FRMD4B: variants seen among roughly 807,000 people sequenced by gnomAD.
FRMD4B encodes the protein FERM domain-containing protein 4B.
FRMD4B carries 74 observed loss-of-function variants against 141.5 expected under a neutral mutation model. That is an observed-to-expected ratio of 0.52 (90% confidence interval 0.43 to 0.63). The LOEUF (loss-of-function observed/expected upper bound fraction) is 0.63, where lower values mean the gene tolerates loss of function less well. Ranked by LOEUF, FRMD4B falls within the 30% of genes least tolerant of loss-of-function variation. The pLI is 0.00. For missense variants in FRMD4B, 1,366 were observed against 1,253.4 expected (o/e 1.09, Z -1.36); for synonymous variants, 506 against 467.9 (o/e 1.08, Z -1.05).
intron 11 of FRMD4B, among the ~76,000 whole-genome samples, chr3:69,210,157 G>T (rs1271791580): frequency 6.6e-6 from 1 of 152,166 alleles, no homozygotes; most frequent in Non-Finnish European, 1.5e-5. Flanking sequence ...AGTCTTTCTT[G>T]GCATGATATA....
chr3:69,228,821 G>C (rs1439904872), intron 7 of FRMD4B, among the ~76,000 whole-genome samples: 1 of 147,890 alleles, frequency 6.8e-6, no homozygotes, highest in Non-Finnish European at 1.5e-5. Context: ...GCAACAGAGT[G>C]AGATTCTCTT....
At position 69,314,227 on chromosome 3, in the gene FRMD4B, T is replaced by TTAAA. The variant is rs569788723; in HGVS notation, c.163-711_163-710insTTTA. ...ATTTTTCCTGGAATTAATGTTTTAT[T>TTAAA]AAAAAAAAAAAAAAAGCCAGCCAGG... On this transcript the variant is annotated intron_variant, in intron 1 of 22. Transcript: ENST00000398540. Among the ~76,000 whole-genome samples the TTAAA allele has an allele frequency of 3.1e-4, 34 of 109,230 alleles. 1 individual carries two copies. Among genetic ancestry groups the TTAAA allele is most frequent in the African/African-American group, 1.3e-3 (34 of 27,048 alleles). 71.7% of individuals were successfully genotyped at this position (109,230 alleles called of 152,430 possible). A position where few individuals can be genotyped will look rare whatever the true frequency, so the allele number is the denominator to read the frequency against.
intron 11 of FRMD4B, among the ~76,000 whole-genome samples, chr3:69,211,403 G>C (rs2093078259): frequency 6.6e-6 from 1 of 152,148 alleles, no homozygotes; most frequent in South Asian, 2.1e-4. Flanking sequence ...AAAACAACTT[G>C]TTGGCACCCC....
intron 1 of FRMD4B, among the ~76,000 whole-genome samples, chr3:69,530,556 CTTTTTTT>C (rs968894178): frequency 6.9e-6 from 1 of 144,788 alleles, no homozygotes; most frequent in South Asian, 2.2e-4. Context: ...AATAAAACCT[CTTTTTTT>C]TTTTTTAATA....
chr3:69,495,680 G>A (rs1232937966), intron 1 of FRMD4B, among the ~76,000 whole-genome samples: 1 of 152,186 alleles, frequency 6.6e-6, no homozygotes, highest in African/African-American at 2.4e-5. Flanking sequence ...CTTAGGTTGA[G>A]TGAGTAAGGA....
chr3:69,345,498 C>T (rs528922209), intron 1 of FRMD4B, among the ~76,000 whole-genome samples: 1 of 152,176 alleles, frequency 6.6e-6, no homozygotes, highest in East Asian at 1.9e-4. Context: ...GTTGTTCTCC[C>T]AGCAGGAGTT....
At chr3:69,391,299 G>T (rs1704378211) in intron 2 of FRMD4B, among the ~76,000 whole-genome samples, 2 of 150,912 alleles carry the variant, frequency 1.3e-5, no homozygotes, top group African/African-American at 4.9e-5. Context: ...TGCACAATGT[G>T]CAGGTTTGTT....
chr3:69,413,242 C>A (rs146760228), intron 2 of FRMD4B, among the ~76,000 whole-genome samples: 1 of 152,098 alleles, frequency 6.6e-6, no homozygotes, highest in Non-Finnish European at 1.5e-5. Context: ...GAGCCAAGTG[C>A]TTACATGTAT....
At chr3:69,492,963 C>A (rs1019805960) in intron 1 of FRMD4B, among the ~76,000 whole-genome samples, 2 of 152,198 alleles carry the variant, frequency 1.3e-5, no homozygotes. Context: ...TTCTCAGCAA[C>A]CATCTCTGTA....
At chr3:69,255,970 A>G (rs935644475) in intron 5 of FRMD4B, among the ~76,000 whole-genome samples, 8 of 151,846 alleles carry the variant, frequency 5.3e-5, no homozygotes, top group African/African-American at 1.9e-4. Flanking sequence ...TCTGGCTTGC[A>G]CCTGTAGTCC....
intron 22 of FRMD4B, among the ~76,000 whole-genome samples, chr3:69,174,081 G>A (rs867334996): frequency 2.0e-5 from 3 of 151,702 alleles, no homozygotes; most frequent in South Asian, 2.1e-4. Flanking sequence ...AGGTTGCAGT[G>A]AGCCGAGATC....
In FRMD4B at chr3:69,342,317, T is replaced by C. The variant is rs145432377; in HGVS notation, c.163-28800A>G. On this transcript the variant is annotated intron_variant, in intron 1 of 22. Transcript: ENST00000398540. Reference sequence around the variant, plus strand: ...TTTGCCAAGTGAAATCCAGACAAAGTGCAGAGTCAAGTGATCTCATGTGTC... The same window carrying C: ...TTTGCCAAGTGAAATCCAGACAAAGCGCAGAGTCAAGTGATCTCATGTGTC... Among the ~76,000 whole-genome samples, 949 of 152,300 alleles carry C rather than the reference T, an allele frequency of 6.2e-3. 10 individuals are homozygous for C. Among genetic ancestry groups the C allele is most frequent in the African/African-American group, 0.021 (862 of 41,562 alleles).
At chr3:69,428,907 G>C (rs1023947459) in intron 2 of FRMD4B, among the ~76,000 whole-genome samples, 3 of 152,090 alleles carry the variant, frequency 2.0e-5, no homozygotes, top group African/African-American at 7.2e-5. Context: ...CTATGAATGT[G>C]ACTACACTAG....
chr3:69,524,252 G>A (rs1001339023), intron 1 of FRMD4B, among the ~76,000 whole-genome samples: 1 of 152,180 alleles, frequency 6.6e-6, no homozygotes, highest in Admixed American at 6.5e-5. Context: ...CAATCACTGT[G>A]CTGAGCATCT....
intron 1 of FRMD4B, among the ~76,000 whole-genome samples, chr3:69,493,777 C>A (rs75788385): frequency 0.03 from 4,546 of 152,186 alleles, 232 homozygotes; most frequent in African/African-American, 0.1. Flanking sequence ...TCAGCACTAG[C>A]CAGGGTGAGG....
chr3:69,213,661 A>ATTTT (rs11322872), intron 11 of FRMD4B, among the ~76,000 whole-genome samples: 2 of 132,410 alleles, frequency 1.5e-5, no homozygotes, highest in Admixed American at 7.9e-5. Context: ...GTTTTCATTG[A>ATTTT]TTTTTTTTTT....
chr3:69,261,128 A>G (rs2093524608), intron 5 of FRMD4B, among the ~76,000 whole-genome samples: 2 of 152,202 alleles, frequency 1.3e-5, no homozygotes, highest in Non-Finnish European at 2.9e-5. Flanking sequence ...GGTCTTTGCA[A>G]TAAATCTTGC....
chr3:69,318,914 G>A (rs1447988418), intron 1 of FRMD4B, among the ~76,000 whole-genome samples: 2 of 152,134 alleles, frequency 1.3e-5, no homozygotes, highest in Non-Finnish European at 2.9e-5. Flanking sequence ...TGTGGTCTCT[G>A]GTTCACCCAA....
intron 11 of FRMD4B, chr3:69,200,370 C>G: frequency 5.4e-6 from 5 of 924,252 alleles, no homozygotes; most frequent in Non-Finnish European, 6.5e-6. Flanking sequence ...AAGTTACATA[C>G]CCATTTCTTA....
Sources: allele counts gnomAD v4.1 joint callset (sites outside exome capture counted in the v4.1 genomes callset), GRCh38; gene constraint gnomAD v4.1.1; transcripts MANE v1.5; gene names NCBI Gene and HGNC (gene_info 2026-07-23, HGNC 2026-07-21).